DPP6: variants seen among roughly 807,000 people sequenced by gnomAD.
DPP6 encodes dipeptidyl peptidase like 6.
A neutral mutation model predicts 122.6 loss-of-function variants in DPP6; 69 were observed. The observed-to-expected ratio is 0.56, with a 90% CI of 0.46 to 0.69. The LOEUF is 0.69. Among genes scored for constraint, DPP6 ranks in the 30% least tolerant of loss-of-function variants. The pLI is 0.00. For synonymous variants in DPP6, 418 were observed against 433.1 expected, an observed-to-expected ratio of 0.97 and a Z score of 0.43; for missense variants, 928 against 1,116.9, an observed-to-expected ratio of 0.83 and a Z score of 2.41.
intron 3 of DPP6, among the ~76,000 whole-genome samples, chr7:154,535,646 C>A (rs1006816601): frequency 6.6e-6 from 1 of 150,642 alleles, no homozygotes; most frequent in Non-Finnish European, 1.5e-5. Flanking sequence ...CAGACAAAGA[C>A]TCATATCCAG....
chr7:153,805,404 G>A, the DPP6 span, among the ~76,000 whole-genome samples: 7 of 152,302 alleles, frequency 4.6e-5, no homozygotes, highest in East Asian at 3.9e-4. Flanking sequence ...CAAGTCAGAC[G>A]TCCCAAGGAA....
intron 16 of DPP6, among the ~76,000 whole-genome samples, chr7:154,846,472 C>T (rs1801953830): frequency 6.6e-6 from 1 of 152,122 alleles, no homozygotes; most frequent in African/African-American, 2.4e-5. Flanking sequence ...TACCAGGACG[C>T]AACATTAGCG....
chr7:154,137,155 C>T (rs1367820458), intron 1 of DPP6, among the ~76,000 whole-genome samples: 4 of 152,108 alleles, frequency 2.6e-5, no homozygotes, highest in South Asian at 2.1e-4. Flanking sequence ...GTTTCCACCC[C>T]GTTGAGGATG....
intron 1 of DPP6, among the ~76,000 whole-genome samples, chr7:153,917,286 G>A (rs1299594795): frequency 6.6e-6 from 1 of 152,210 alleles, no homozygotes; most frequent in Non-Finnish European, 1.5e-5. Context: ...GTTGGCTTGT[G>A]GGAATATATT....
chr7:154,066,072 T>TA (rs1802705823), intron 1 of DPP6, among the ~76,000 whole-genome samples: 1 of 149,770 alleles, frequency 6.7e-6, no homozygotes. Flanking sequence ...TTTTTTTTTT[T>TA]AATTTGGGAC....
intron 1 of DPP6, among the ~76,000 whole-genome samples, chr7:154,203,820 C>T (rs1481962914): frequency 6.6e-6 from 1 of 152,200 alleles, no homozygotes; most frequent in East Asian, 1.9e-4. Context: ...CCTGTAACCC[C>T]GTTTCCCTCC....
intron 1 of DPP6, among the ~76,000 whole-genome samples, chr7:154,030,793 C>T (rs1585202427): frequency 6.6e-6 from 1 of 152,292 alleles, no homozygotes; most frequent in Non-Finnish European, 1.5e-5. Flanking sequence ...CTGGTGACCA[C>T]TCACACAGCC....
chr7:154,546,029 G>A (rs1406802744), intron 4 of DPP6, among the ~76,000 whole-genome samples: 1 of 152,084 alleles, frequency 6.6e-6, no homozygotes, highest in Non-Finnish European at 1.5e-5. Flanking sequence ...TTGCTCTGGG[G>A]AATGCTTCTG....
the DPP6 span, among the ~76,000 whole-genome samples, chr7:153,863,344 T>C: frequency 6.6e-6 from 1 of 152,206 alleles, no homozygotes; most frequent in Non-Finnish European, 1.5e-5. Flanking sequence ...TTGATGGGCA[T>C]TGGGGTTGGT....
intron 2 of DPP6, among the ~76,000 whole-genome samples, chr7:154,454,819 T>A (rs1820687670): frequency 6.6e-6 from 1 of 152,212 alleles, no homozygotes; most frequent in Non-Finnish European, 1.5e-5. Flanking sequence ...ATATGTTGTA[T>A]TAATATAACG....
intron 20 of DPP6, 59 bp from the exon 21 acceptor site, chr7:154,880,829 G>T (rs924335890): frequency 5.0e-6 from 8 of 1,613,808 alleles, no homozygotes; most frequent in Non-Finnish European, 5.9e-6. Context: ...TGGGCTACAG[G>T]AAGACAAAGT....
At chr7:153,800,876 C>A in the DPP6 span, among the ~76,000 whole-genome samples, 1 of 152,046 alleles carries the variant, frequency 6.6e-6, no homozygotes, top group African/African-American at 2.4e-5. Flanking sequence ...TTGAAGTATC[C>A]CCAACACAAA....
At chr7:154,674,100 C>A (rs1404570887) in intron 7 of DPP6, among the ~76,000 whole-genome samples, 6 of 151,918 alleles carry the variant, frequency 3.9e-5, no homozygotes, top group Non-Finnish European at 5.9e-5. Flanking sequence ...GGTCTTGAAC[C>A]CCTGACCTCA....
At chr7:153,982,980 C>G (rs1293365097) in intron 1 of DPP6, among the ~76,000 whole-genome samples, 1 of 152,216 alleles carries the variant, frequency 6.6e-6, no homozygotes, top group Non-Finnish European at 1.5e-5. Context: ...AGGTGTCTAT[C>G]GACCTCTGCT....
chr7:153,894,143 C>T (rs1466536032), intron 1 of DPP6, among the ~76,000 whole-genome samples: 1 of 152,188 alleles, frequency 6.6e-6, no homozygotes, highest in Non-Finnish European at 1.5e-5. Flanking sequence ...GGGGACTGCC[C>T]TGTGACCCTT....
At chr7:154,505,964 G>A (rs1236248348) in intron 3 of DPP6, among the ~76,000 whole-genome samples, 2 of 152,024 alleles carry the variant, frequency 1.3e-5, no homozygotes, top group African/African-American at 4.8e-5. Context: ...TGGAAGATTT[G>A]TCTACTCTCC....
At chr7:154,085,868 C>T (rs1022754808) in intron 1 of DPP6, among the ~76,000 whole-genome samples, 3 of 152,152 alleles carry the variant, frequency 2.0e-5, no homozygotes, top group African/African-American at 7.2e-5. Flanking sequence ...GCTGGGATAA[C>T]AGGCGCTCAC....
intron 1 of DPP6, among the ~76,000 whole-genome samples, chr7:154,327,928 G>T (rs910884548): frequency 9.2e-5 from 14 of 152,178 alleles, no homozygotes; most frequent in Admixed American, 2.6e-4. Flanking sequence ...AATACACATA[G>T]AATGGAATAG....
chr7:154,216,366 G>C (rs1156730250), intron 1 of DPP6, among the ~76,000 whole-genome samples: 1 of 152,208 alleles, frequency 6.6e-6, no homozygotes, highest in Non-Finnish European at 1.5e-5. Flanking sequence ...ACCCTTACTT[G>C]AGGATGCATA....
Sources: allele counts gnomAD v4.1 joint callset (sites outside exome capture counted in the v4.1 genomes callset), GRCh38; gene constraint gnomAD v4.1.1; transcripts MANE v1.5; gene names NCBI Gene and HGNC (gene_info 2026-07-23, HGNC 2026-07-21).